Variants in PRKD2 observed in about 807,000 individuals in gnomAD.
The protein encoded by PRKD2 is serine/threonine-protein kinase D2.
Under a neutral mutation model 86.0 loss-of-function variants are expected in PRKD2, and 22 were observed. The observed-to-expected ratio is 0.26, with a 90% confidence interval of 0.18 to 0.37. PRKD2 has a LOEUF of 0.37. PRKD2 is among the 10% of genes least tolerant of loss of function. PRKD2 has a pLI of 1.00. For synonymous variants in PRKD2, 509 were observed against 510.9 expected (o/e 1.00, Z 0.05); for missense variants, 818 against 1,199.2 (o/e 0.68, Z 4.70).
intron 10 of PRKD2, among the ~76,000 whole-genome samples, chr19:46,692,332 T>A (rs2053495115): frequency 3.3e-5 from 5 of 151,810 alleles, no homozygotes. Context: ...GGAAACTGAG[T>A]CTTGGAGGGA....
At chr19:46,698,977 G>A (rs576831639) in intron 7 of PRKD2, among the ~76,000 whole-genome samples, 6 of 152,212 alleles carry the variant, frequency 3.9e-5, no homozygotes, top group African/African-American at 1.4e-4. Flanking sequence ...CAGGAAAGAC[G>A]TGGGAGAAAG....
At chr19:46,713,428 T>C (rs1292338650) in intron 2 of PRKD2, among the ~76,000 whole-genome samples, 1 of 152,102 alleles carries the variant, frequency 6.6e-6, no homozygotes, top group Non-Finnish European at 1.5e-5. Context: ...ACTAGTTTTA[T>C]AAATAAATAA....
intron 3 of PRKD2, among the ~76,000 whole-genome samples, chr19:46,708,971 GGT>G (rs1491568252): frequency 2.9e-3 from 235 of 80,322 alleles, no homozygotes; most frequent in African/African-American, 0.011. Flanking sequence ...GTTTGTTTGT[GGT>G]TTTTTTTTTT....
rs182528125 is a variant in PRKD2 at position 46,683,468 on chromosome 19, T to A, written c.1972-1720A>T. On this transcript the variant is annotated intron_variant, in intron 14 of 17. Coordinates refer to ENST00000291281, the MANE Select transcript of PRKD2 (RefSeq NM_016457.5). ...TGGGCATGGTGACTCATGCCTGTAA[T>A]CTCAGCACTTTGGAAGGCTGAGGCA... Among the ~76,000 whole-genome samples the A allele has an allele frequency of 4.0e-3, 607 of 152,284 alleles. 1 individual carries two copies. Among genetic ancestry groups the A allele is most frequent in the Middle Eastern group, 6.8e-3 (2 of 294 alleles).
chr19:46,710,948 TC>T lies in PRKD2; in HGVS notation c.469del (p.Glu157ArgfsTer6). 1 of 1,570,050 alleles carries T rather than the reference TC, an allele frequency of 6.4e-7. No individual in the cohort carries two copies. The highest frequency in any genetic ancestry group is 8.6e-7 in the Non-Finnish European group (1 of 1,157,264). The part of the protein sequence containing the change: ...RAPAFCDHCG[E>X]MLFGLVRQGL... ...CTGGCGCACTAGGCCGAAGAGCATC[TC>T]CCCGCAGTGATCACAGAAGGCAGGC... On this transcript the variant is annotated frameshift_variant, in exon 3 of 18. Coordinates refer to ENST00000291281, the MANE Select transcript of PRKD2 (RefSeq NM_016457.5). LOFTEE classifies it high-confidence loss of function.
chr19:46,703,133 T>C (rs191273208), intron 5 of PRKD2, among the ~76,000 whole-genome samples: 128 of 152,328 alleles, frequency 8.4e-4, no homozygotes, highest in African/African-American at 3.0e-3. Context: ...TCAAATCCCA[T>C]GGTTCCAAAA....
intron 12 of PRKD2, among the ~76,000 whole-genome samples, chr19:46,691,423 G>A (rs1397522955): frequency 6.6e-6 from 1 of 152,116 alleles, no homozygotes; most frequent in African/African-American, 2.4e-5. Flanking sequence ...TCAGAATCTA[G>A]GTTCTAGCTC....
Position 46,693,864 on chromosome 19 carries a change from G to A in PRKD2, c.1576+11C>T. Reference sequence around the variant, plus strand: ...TCTATTCTCTCAAGGACCCGAGGTGGGAGGACTTACTGTGGGGCGCGTGGC... The same window carrying A: ...TCTATTCTCTCAAGGACCCGAGGTGAGAGGACTTACTGTGGGGCGCGTGGC... On this transcript the variant is annotated intron_variant, in intron 10 of 17. Transcript: ENST00000291281. This position sits in a 1 kb window ranked among gnomAD's most constrained non-coding sequence, Gnocchi z 4.5. 6.3e-7 allele frequency: 1 copy of A among 1,585,730 alleles called. No homozygotes were observed. Among genetic ancestry groups the A allele is most frequent in the African/African-American group, 1.3e-5 (1 of 74,694 alleles).
chr19:46,699,287 T>C (rs971401372), intron 7 of PRKD2, among the ~76,000 whole-genome samples: 3 of 152,144 alleles, frequency 2.0e-5, no homozygotes, highest in African/African-American at 7.2e-5. Flanking sequence ...TAAGATAGCA[T>C]GTCCCCCATT....
chr19:46,697,431 C>T, intron 8 of PRKD2, 197 bp from the exon 9 acceptor site: 1 of 592,802 alleles, frequency 1.7e-6, no homozygotes, highest in Non-Finnish European at 3.0e-6. Context: ...TAGCCCAGCC[C>T]CCACGCCCTA....
chr19:46,680,924 C>CTATATATATATATATATATATATATA (rs1159306440), intron 15 of PRKD2, among the ~76,000 whole-genome samples: 14 of 72,428 alleles, frequency 1.9e-4, no homozygotes, highest in East Asian at 3.1e-4. Context: ...TTGGGATAAA[C>CTATATATATATATATATATATATATA]TATATATATA....
chr19:46,681,623 C>T (rs2053309203), intron 15 of PRKD2, 27 bp downstream of exon 15: 3 of 923,304 alleles, frequency 3.2e-6, no homozygotes, highest in Non-Finnish European at 3.3e-6. Context: ...CCTGGATTTC[C>T]CCAAATCAGG....
intron 9 of PRKD2, among the ~76,000 whole-genome samples, chr19:46,695,668 T>C (rs1437023269): frequency 6.6e-6 from 1 of 151,844 alleles, no homozygotes; most frequent in Admixed American, 6.6e-5. Context: ...GGAAGGAGGC[T>C]GAGGGGACCC....
chr19:46,695,611 G>A (rs1045687028), intron 9 of PRKD2, among the ~76,000 whole-genome samples: 2 of 152,216 alleles, frequency 1.3e-5, no homozygotes, highest in Non-Finnish European at 2.9e-5. Context: ...TCATCCGCTT[G>A]TGTGCGGAGG....
chr19:46,675,435 CTTTT>C (rs1568710078), intron 16 of PRKD2, among the ~76,000 whole-genome samples: 1 of 151,852 alleles, frequency 6.6e-6, no homozygotes, highest in Non-Finnish European at 1.5e-5. Context: ...CTGTACTATT[CTTTT>C]TATTTTTACT....
At position 46,713,965 on chromosome 19, in the gene PRKD2, T is replaced by G; in HGVS notation, c.277A>C (p.Ile93Leu). Residue 93 changes from isoleucine (I) to leucine (L), a missense_variant, in exon 2 of 18, where the codon ATC becomes CTC. Ile to Leu is a conservative substitution (Grantham distance 5). Around this residue, in one of 5 missense-constraint regions of PRKD2, gnomAD observed 403 missense variants for 518.6 expected, o/e 0.78. Coordinates refer to ENST00000291281, the MANE Select transcript of PRKD2 (RefSeq NM_016457.5). Reference sequence around the variant, plus strand: ...GTGGGGTCATGTTTGAAAAGCAGGATCTTGTCGTAAAGGCCGTAGAAGCCA... The same window carrying G: ...GTGGGGTCATGTTTGAAAAGCAGGAGCTTGTCGTAAAGGCCGTAGAAGCCA... ...ECGFYGLYDK[I>L]LLFKHDPTSA... 6.2e-7 allele frequency: 1 copy of G among 1,613,466 alleles called. No individual in the cohort carries two copies. The highest frequency in any genetic ancestry group is 8.5e-7 in the Non-Finnish European group (1 of 1,179,826).
At chr19:46,686,982 C>G (rs1298321838) in intron 14 of PRKD2, among the ~76,000 whole-genome samples, 2 of 151,562 alleles carry the variant, frequency 1.3e-5, no homozygotes, top group Non-Finnish European at 2.9e-5. Flanking sequence ...TAAATAAAAC[C>G]CTATGGTAAA....
At chr19:46,700,996 C>A (rs757624664) in intron 6 of PRKD2, 39 bp downstream of exon 6, 1 of 1,614,248 alleles carries the variant, frequency 6.2e-7, no homozygotes, top group South Asian at 1.1e-5. Flanking sequence ...CCAGTCCTGC[C>A]CCTTCCCCTT....
In PRKD2 at chr19:46,687,648, CAATA is replaced by C. The variant is rs534910996; in HGVS notation, c.1971+1885_1971+1888del. ...GAGTGCTTGGCACATAGTAAGTGCTCAATAAATGTTAGTGACCACATTATTTATC... is the reference window on the plus strand; with the variant it reads ...GAGTGCTTGGCACATAGTAAGTGCTCAATGTTAGTGACCACATTATTTATC... On this transcript the variant is annotated intron_variant, in intron 14 of 17. Coordinates refer to ENST00000291281, the MANE Select transcript of PRKD2 (RefSeq NM_016457.5). Among the ~76,000 whole-genome samples the C allele has an allele frequency of 1.4e-3, 208 of 152,240 alleles. 2 individuals carry two copies. In the South Asian group the frequency reaches 0.015, roughly 11 times the overall value.
Sources: allele counts gnomAD v4.1 joint callset (sites outside exome capture counted in the v4.1 genomes callset), GRCh38; gene constraint gnomAD v4.1.1; regional missense constraint gnomAD v4.1.1; non-coding constraint Gnocchi (gnomAD v3.1); transcripts MANE v1.5; gene names NCBI Gene and HGNC (gene_info 2026-07-23, HGNC 2026-07-21).